The following IKBKB variants were observed in gnomAD, a reference collection of about 807,000 sequenced individuals.
IKBKB encodes inhibitor of nuclear factor kappa-B kinase subunit beta.
A neutral mutation model predicts 113.6 loss-of-function variants in IKBKB; 42 were observed. That is an observed-to-expected ratio of 0.37 (90% confidence interval 0.29 to 0.48). The LOEUF is 0.48. Ranked by LOEUF, IKBKB falls within the 20% of genes least tolerant of loss-of-function variation. IKBKB has a pLI of 0.99. For synonymous variants in IKBKB, 296 were observed against 361.3 expected (o/e 0.82, Z 2.05); for missense variants, 673 against 939.7 (o/e 0.72, Z 3.71).
chr8:42,299,421 G>T (rs927468069), intron 5 of IKBKB, among the ~76,000 whole-genome samples: 1 of 152,062 alleles, frequency 6.6e-6, no homozygotes, highest in Non-Finnish European at 1.5e-5. Flanking sequence ...CCCCTTCGCC[G>T]TACCTTTCTC....
chr8:42,293,697 C>A, intron 5 of IKBKB, 185 bp downstream of exon 5: 1 of 852,172 alleles, frequency 1.2e-6, no homozygotes, highest in Non-Finnish European at 1.8e-6. Flanking sequence ...CAGACAGATG[C>A]TGAACTCAAA....
At chr8:42,276,642 A>T (rs1223766984) in intron 2 of IKBKB, among the ~76,000 whole-genome samples, 1 of 150,258 alleles carries the variant, frequency 6.7e-6, no homozygotes, top group Non-Finnish European at 1.5e-5. Context: ...TGTTAACTGT[A>T]CTTTTGAGGT....
At chr8:42,320,672 C>A in intron 15 of IKBKB, 63 bp from the exon 16 acceptor site, 1 of 1,364,296 alleles carries the variant, frequency 7.3e-7, no homozygotes, top group Non-Finnish European at 1.0e-6. Context: ...CGCTCCCCCG[C>A]AGATCTTGCA....
chr8:42,320,809 C>A lies in IKBKB; in HGVS notation c.1653C>A (p.Pro551=). The part of the protein sequence containing the change: ...QTDIVDLQRS[P]MGRKQGGTLD... ...ACATTGTGGACTTACAGAGGAGCCC[C>A]ATGGGCCGGAAGCAGGGGGGAACGC... The change falls in exon 16 of 22, where the codon CCC becomes CCA. Residue 551 remains proline, a synonymous_variant. Transcript: ENST00000520810. The A allele has an allele frequency of 6.2e-7, 1 of 1,606,642 alleles. No individual in the cohort carries two copies. Among genetic ancestry groups the A allele is most frequent in the East Asian group, 2.2e-5 (1 of 44,580 alleles).
intron 5 of IKBKB, among the ~76,000 whole-genome samples, chr8:42,299,591 G>A (rs1038848991): frequency 4.0e-5 from 6 of 151,220 alleles, no homozygotes; most frequent in Non-Finnish European, 8.9e-5. Context: ...TGTGTGACCC[G>A]CAGAACCCAC....
chr8:42,284,127 T>C (rs1385935720), intron 2 of IKBKB, among the ~76,000 whole-genome samples: 1 of 152,188 alleles, frequency 6.6e-6, no homozygotes, highest in African/African-American at 2.4e-5. Flanking sequence ...TAATTTATAA[T>C]GATTTTATTT....
intron 13 of IKBKB, chr8:42,319,008 TTTC>T: frequency 5.3e-6 from 3 of 562,102 alleles, no homozygotes; most frequent in Non-Finnish European, 9.5e-6. Flanking sequence ...TTACGGACTC[TTTC>T]CTCATTGTGA....
intron 7 of IKBKB, among the ~76,000 whole-genome samples, chr8:42,308,634 T>C (rs1173346570): frequency 2.0e-5 from 3 of 152,186 alleles, no homozygotes; most frequent in Non-Finnish European, 4.4e-5. Context: ...AGTTAAAGCC[T>C]AGCGATGGGT....
intron 2 of IKBKB, among the ~76,000 whole-genome samples, chr8:42,277,786 G>A (rs1372147655): frequency 1.3e-5 from 2 of 152,178 alleles, no homozygotes. Flanking sequence ...AGTAAGTCTT[G>A]TCAGGACCCT....
Position 42,327,327 on chromosome 8 carries a change from TCTC to T in IKBKB, c.2114+1231_2114+1233del, listed in dbSNP as rs1443617279. Among the ~76,000 whole-genome samples the T allele has an allele frequency of 5.2e-5, 5 of 96,906 alleles. No individual in the cohort carries two copies. The East Asian group carries it at 9.5e-4, about 18-fold the overall frequency. The allele number at this position is 96,906 out of a possible 152,430, so 63.6% of individuals were successfully genotyped here. On this transcript the variant is annotated intron_variant, in intron 20 of 21. Transcript: ENST00000520810. ...AACATGGTGAGACTGTCTCTCTCTC[TCTC>T]TTTTTTTTTTTTTTTTTTTTTGAGA... is the stretch of plus-strand genomic sequence containing the variant.
chr8:42,282,113 A>G (rs777513398), intron 2 of IKBKB, among the ~76,000 whole-genome samples: 1 of 152,164 alleles, frequency 6.6e-6, no homozygotes, highest in Non-Finnish European at 1.5e-5. Context: ...CATAATCACT[A>G]CATTCAATCT....
chr8:42,297,027 C>T (rs1814008463), intron 5 of IKBKB, among the ~76,000 whole-genome samples: 1 of 152,172 alleles, frequency 6.6e-6, no homozygotes, highest in Admixed American at 6.5e-5. Context: ...TTCTTTAGGG[C>T]ATGACCTGAG....
intron 16 of IKBKB, chr8:42,321,061 G>A: frequency 4.4e-6 from 2 of 454,188 alleles, no homozygotes; most frequent in Non-Finnish European, 7.8e-6. Flanking sequence ...TTGTAAGGAT[G>A]AATTCAGATA....
chr8:42,296,810 T>A (rs1813948887), intron 5 of IKBKB, among the ~76,000 whole-genome samples: 1 of 152,246 alleles, frequency 6.6e-6, no homozygotes, highest in African/African-American at 2.4e-5. Context: ...CGTGGGCACG[T>A]TACTTACACC....
Position 42,331,377 on chromosome 8 carries a change from C to T in IKBKB, c.*398C>T. Reference sequence around the variant, plus strand: ...GGAGTACGGTTTGCCACACACGTGACTGGACAGTGTCCAATTCAAATCTTT... The same window carrying T: ...GGAGTACGGTTTGCCACACACGTGATTGGACAGTGTCCAATTCAAATCTTT... On this transcript the variant is annotated 3_prime_UTR_variant, in exon 22 of 22. Transcript: ENST00000520810. 1.4e-6 allele frequency: 1 copy of T among 702,956 alleles called. No individual in the cohort carries two copies. Among genetic ancestry groups the T allele is most frequent in the East Asian group, 2.7e-5 (1 of 37,292 alleles). The allele number at this position is 702,956 out of a possible 1,614,324, so 43.5% of individuals were successfully genotyped here.
intron 2 of IKBKB, among the ~76,000 whole-genome samples, chr8:42,279,083 G>A (rs1165872542): frequency 1.3e-5 from 2 of 152,186 alleles, no homozygotes; most frequent in African/African-American, 4.8e-5. Flanking sequence ...AGGAGGAGTG[G>A]AGTGCCTGCA....
At chr8:42,327,843 G>A (rs1821090808) in intron 20 of IKBKB, among the ~76,000 whole-genome samples, 1 of 12,666 alleles carries the variant, frequency 7.9e-5, no homozygotes, top group African/African-American at 9.6e-5. Flanking sequence ...TCGCTCTGTT[G>A]CCCAGGCCGG....
Position 42,271,414 on chromosome 8 carries a change from GC to G in IKBKB, c.-70del. 6.6e-7 allele frequency: 1 copy of G among 1,506,048 alleles called. No homozygotes were observed. The highest frequency in any genetic ancestry group is 8.9e-7 in the Non-Finnish European group (1 of 1,123,814). 93.3% of individuals were successfully genotyped at this position (1,506,048 alleles called of 1,614,324 possible). A position where few individuals can be genotyped will look rare whatever the true frequency, so the allele number is the denominator to read the frequency against. Reference sequence around the variant, plus strand: ...CATAGCCCCGGGTTTGGCCGCCCCAGCCCCGCCTTCCCCGCCCCGGGGAGCC... The same window carrying G: ...CATAGCCCCGGGTTTGGCCGCCCCAGCCCGCCTTCCCCGCCCCGGGGAGCC... On this transcript the variant is annotated 5_prime_UTR_variant, in exon 1 of 22. An upstream open reading frame in the 5' UTR loses its in-frame stop. Transcript: ENST00000520810.
At chr8:42,283,673 A>G (rs1810802331) in intron 2 of IKBKB, among the ~76,000 whole-genome samples, 1 of 152,220 alleles carries the variant, frequency 6.6e-6, no homozygotes, top group Non-Finnish European at 1.5e-5. Flanking sequence ...ATCTTAGCTC[A>G]GGGAGACCCA....
Sources: allele counts gnomAD v4.1 joint callset (sites outside exome capture counted in the v4.1 genomes callset), GRCh38; gene constraint gnomAD v4.1.1; transcripts MANE v1.5; gene names NCBI Gene and HGNC (gene_info 2026-07-23, HGNC 2026-07-21).